The following DEUP1 variants were observed in gnomAD, a reference collection of about 807,000 sequenced individuals.
The protein encoded by DEUP1 is coiled-coil domain containing 67.
A neutral mutation model predicts 87.4 loss-of-function variants in DEUP1; 82 were observed. That is an observed-to-expected ratio of 0.94 (90% CI 0.78 to 1.13). The LOEUF (loss-of-function observed/expected upper bound fraction) is 1.13. DEUP1 is among the 50% of genes most tolerant of loss of function. The pLI is 0.00. For synonymous variants in DEUP1, 214 were observed against 222.7 expected (o/e 0.96, Z 0.35); for missense variants, 663 against 681.5 (o/e 0.97, Z 0.30).
intron 11 of DEUP1, among the ~76,000 whole-genome samples, chr11:93,401,261 A>G (rs1947108375): frequency 6.6e-6 from 1 of 152,158 alleles, no homozygotes; most frequent in Non-Finnish European, 1.5e-5. Context: ...ATATACAAGG[A>G]AAACTATATA....
At chr11:93,434,139 C>T (rs1948175392) in intron 13 of DEUP1, among the ~76,000 whole-genome samples, 1 of 152,212 alleles carries the variant, frequency 6.6e-6, no homozygotes, top group South Asian at 2.1e-4. Flanking sequence ...CACTCAGAAC[C>T]ACCTTCTTCC....
At chr11:93,410,810 A>G (rs1947414227) in intron 12 of DEUP1, among the ~76,000 whole-genome samples, 1 of 152,248 alleles carries the variant, frequency 6.6e-6, no homozygotes, top group African/African-American at 2.4e-5. Flanking sequence ...TGTTAAAAGT[A>G]TCTAACAAAA....
chr11:93,344,847 CCTTTTTTTTTTTAA>C (rs969332263), intron 2 of DEUP1, among the ~76,000 whole-genome samples: 7 of 150,180 alleles, frequency 4.7e-5, no homozygotes, highest in Admixed American at 4.6e-4. Flanking sequence ...CTGTAATTTT[CCTTTTTTTTTTTAA>C]CTTTTTTTTT....
intron 4 of DEUP1, among the ~76,000 whole-genome samples, chr11:93,362,760 A>G (rs1359827317): frequency 6.6e-6 from 1 of 151,950 alleles, no homozygotes; most frequent in Admixed American, 6.6e-5. Context: ...TGTTCACAGT[A>G]GCATTATTTA....
At chr11:93,403,310 T>G (rs918896184) in intron 11 of DEUP1, among the ~76,000 whole-genome samples, 1 of 151,916 alleles carries the variant, frequency 6.6e-6, no homozygotes, top group African/African-American at 2.4e-5. Flanking sequence ...TAGAAAGAAT[T>G]TAGCTGTGAA....
rs973874211 is a variant in DEUP1, at chr11:93,365,583, G to A, written c.432+1289G>A. Reference sequence around the variant, plus strand: ...GAACTACATTAATAAAAATTTTTCAGACAAAAAAAGCCTTAAGTTAGTATC... The same window carrying A: ...GAACTACATTAATAAAAATTTTTCAAACAAAAAAAGCCTTAAGTTAGTATC... On this transcript the variant is annotated intron_variant, in intron 5 of 13. Coordinates refer to ENST00000298050, the MANE Select transcript of DEUP1 (RefSeq NM_181645.4). Among the ~76,000 whole-genome samples the A allele has an allele frequency of 4.5e-4, 69 of 151,720 alleles. 1 individual carries two copies. The highest frequency in any genetic ancestry group is 1.6e-3 in the African/African-American group (66 of 41,346).
At chr11:93,335,798 C>T (rs1004006821) in intron 2 of DEUP1, among the ~76,000 whole-genome samples, 3 of 152,146 alleles carry the variant, frequency 2.0e-5, no homozygotes, top group Non-Finnish European at 2.9e-5. Context: ...TTTTTCTCCA[C>T]ATATAAATAG....
At chr11:93,351,362 A>G (rs912582993) in intron 2 of DEUP1, among the ~76,000 whole-genome samples, 1 of 152,188 alleles carries the variant, frequency 6.6e-6, no homozygotes, top group African/African-American at 2.4e-5. Flanking sequence ...AAAAGAACTC[A>G]TTCATTCTTT....
chr11:93,374,229 G>A (rs180960026), intron 7 of DEUP1, among the ~76,000 whole-genome samples: 29 of 152,146 alleles, frequency 1.9e-4, no homozygotes, highest in African/African-American at 6.7e-4. Context: ...CCCACTCTGT[G>A]GGTTATGTGT....
chr11:93,396,378 C>A, intron 11 of DEUP1, 53 bp downstream of exon 11: 2 of 1,088,486 alleles, frequency 1.8e-6, no homozygotes, highest in South Asian at 1.5e-5. Flanking sequence ...CTGAATTGGT[C>A]ACGATTAACC....
chr11:93,420,588 A>C (rs1449386905), intron 13 of DEUP1, among the ~76,000 whole-genome samples: 27 of 145,906 alleles, frequency 1.9e-4, no homozygotes, highest in Non-Finnish European at 3.0e-5. Flanking sequence ...GAAGGAAATA[A>C]AGGGTATTCA....
intron 2 of DEUP1, among the ~76,000 whole-genome samples, chr11:93,335,336 T>C (rs1943701489): frequency 6.6e-6 from 1 of 152,216 alleles, no homozygotes; most frequent in Non-Finnish European, 1.5e-5. Flanking sequence ...TTAATGTCCT[T>C]TGGGTATTTG....
intron 5 of DEUP1, among the ~76,000 whole-genome samples, chr11:93,366,302 G>A (rs944048555): frequency 3.3e-5 from 5 of 152,172 alleles, no homozygotes; most frequent in African/African-American, 4.8e-5. Flanking sequence ...CCGTTTTACA[G>A]GTGAAGGTCT....
At chr11:93,427,341 C>T (rs1202759637) in intron 13 of DEUP1, among the ~76,000 whole-genome samples, 2 of 151,974 alleles carry the variant, frequency 1.3e-5, no homozygotes, top group Non-Finnish European at 2.9e-5. Context: ...ACCATCTGAT[C>T]TTTGACAAAC....
intron 8 of DEUP1, among the ~76,000 whole-genome samples, chr11:93,386,751 C>T (rs12293300): frequency 0.24 from 36,772 of 152,042 alleles, 4,769 homozygotes; most frequent in South Asian, 0.37. Context: ...AAGATGTATA[C>T]TATCATCACT....
intron 6 of DEUP1, among the ~76,000 whole-genome samples, chr11:93,370,817 T>C (rs1420753580): frequency 3.9e-5 from 6 of 152,184 alleles, no homozygotes; most frequent in African/African-American, 1.4e-4. Context: ...TTCTCTACTC[T>C]ACATCTTTGC....
At chr11:93,363,118 A>G (rs910591040) in intron 4 of DEUP1, among the ~76,000 whole-genome samples, 1 of 151,934 alleles carries the variant, frequency 6.6e-6, no homozygotes, top group African/African-American at 2.4e-5. Flanking sequence ...TGAAAAAAAT[A>G]CAATCCCAAA....
At position 93,397,538 on chromosome 11, in the gene DEUP1, T is replaced by G. The variant is rs1164035790; in HGVS notation, c.1326+1213T>G. On this transcript the variant is annotated intron_variant, in intron 11 of 13. Coordinates refer to ENST00000298050, the MANE Select transcript of DEUP1 (RefSeq NM_181645.4). ...CAATTTGAATGTTTTTAAGTGTATA[T>G]TCTGGGTCGTCACAGCCCCCACTGA... 2.0e-5 allele frequency among the ~76,000 whole-genome samples: 3 copies of G among 152,188 alleles called. No homozygotes were observed. The East Asian group carries it at 5.8e-4, about 29-fold the overall frequency.
At chr11:93,403,811 T>A (rs945473299) in intron 11 of DEUP1, among the ~76,000 whole-genome samples, 6 of 151,826 alleles carry the variant, frequency 4.0e-5, no homozygotes, top group Non-Finnish European at 7.4e-5. Context: ...TAGGAAAAAA[T>A]CCATAATTAG....
Sources: gnomAD v4.1 joint callset for allele counts (sites outside exome capture counted in the v4.1 genomes callset) on GRCh38, gnomAD v4.1.1 for gene constraint, MANE v1.5 for transcripts, NCBI Gene and HGNC (gene_info 2026-07-23, HGNC 2026-07-21) for gene names.